Variants in KATNAL2 observed in about 807,000 individuals in gnomAD.
KATNAL2 encodes the protein katanin catalytic subunit A1 like 2.
A neutral mutation model predicts 76.3 loss-of-function variants in KATNAL2; 52 were observed. That is an observed-to-expected ratio of 0.68 (90% CI 0.55 to 0.86). KATNAL2 has a LOEUF of 0.86. Among genes scored for constraint, KATNAL2 ranks in the 40% least tolerant of loss-of-function variants. The pLI is 0.00. For synonymous variants in KATNAL2, 243 were observed against 244.2 expected, an observed-to-expected ratio of 1.00 and a Z score of 0.05; for missense variants, 660 against 668.9, an observed-to-expected ratio of 0.99 and a Z score of 0.15.
Position 47,054,648 on chromosome 18 carries a change from G to A in KATNAL2, c.332+210G>A, listed in dbSNP as rs2061422741. The stretch of plus-strand genomic sequence containing the variant: ...ACTCTCCTGGTTTTACTGTAAATAA[G>A]TATATCCTGTGATGCTCTGTCTTTC... On this transcript the variant is annotated intron_variant, in intron 6 of 17. Transcript: ENST00000683218. 1.0e-5 allele frequency: 6 copies of A among 600,516 alleles called. No homozygotes were observed. In the African/African-American group the frequency reaches 1.1e-4, roughly 11 times the overall value. 37.2% of individuals were successfully genotyped at this position (600,516 alleles called of 1,614,324 possible).
chr18:47,098,298 T>C, intron 15 of KATNAL2: 1 of 305,756 alleles, frequency 3.3e-6, no homozygotes, highest in Non-Finnish European at 6.4e-6. Context: ...AAAAAAAAAT[T>C]AACTGGACTT....
At chr18:46,919,374 T>C (rs1260607465) in intron 1 of KATNAL2, among the ~76,000 whole-genome samples, 2 of 152,098 alleles carry the variant, frequency 1.3e-5, no homozygotes, top group Non-Finnish European at 2.9e-5. Flanking sequence ...TAATCCCAGC[T>C]ACTCCGGAGA....
At chr18:46,922,209 C>T (rs957250913) in intron 1 of KATNAL2, among the ~76,000 whole-genome samples, 4 of 151,186 alleles carry the variant, frequency 2.6e-5, no homozygotes, top group African/African-American at 4.9e-5. Flanking sequence ...AAGCAGTCTT[C>T]GTACCTCAGC....
At chr18:47,068,470 AC>A (rs2061886005) in intron 11 of KATNAL2, among the ~76,000 whole-genome samples, 1 of 152,204 alleles carries the variant, frequency 6.6e-6, no homozygotes, top group South Asian at 2.1e-4. Flanking sequence ...GAACTATAAA[AC>A]TTTTAAAAAG....
At chr18:47,031,320 C>T (rs1024751972) in intron 3 of KATNAL2, among the ~76,000 whole-genome samples, 1 of 152,082 alleles carries the variant, frequency 6.6e-6, no homozygotes, top group Non-Finnish European at 1.5e-5. Flanking sequence ...GAAAACAGAT[C>T]CATTTGAAAT....
intron 3 of KATNAL2, among the ~76,000 whole-genome samples, chr18:46,958,329 A>G (rs2059825737): frequency 6.6e-6 from 1 of 152,104 alleles, no homozygotes; most frequent in Admixed American, 6.6e-5. Context: ...CTATAATCAC[A>G]TGAGCGTTAT....
At chr18:46,925,908 T>C (rs962406207) in intron 1 of KATNAL2, among the ~76,000 whole-genome samples, 1 of 152,214 alleles carries the variant, frequency 6.6e-6, no homozygotes, top group African/African-American at 2.4e-5. Flanking sequence ...GTAGTTTGTA[T>C]TTCTGTGGGA....
chr18:46,926,052 T>G (rs1381373810), intron 1 of KATNAL2, among the ~76,000 whole-genome samples: 1 of 152,180 alleles, frequency 6.6e-6, no homozygotes, highest in Non-Finnish European at 1.5e-5. Context: ...GATTCATTAA[T>G]TTTTTGAAGG....
chr18:47,035,359 C>T, intron 3 of KATNAL2: 9 of 1,584,710 alleles, frequency 5.7e-6, no homozygotes, highest in Non-Finnish European at 7.7e-6. Context: ...GTCCTCGCTG[C>T]CCGGTCGCCA....
At chr18:46,960,331 C>G (rs780977503) in intron 3 of KATNAL2, among the ~76,000 whole-genome samples, 30 of 151,512 alleles carry the variant, frequency 2.0e-4, no homozygotes, top group African/African-American at 6.5e-4. Flanking sequence ...GCCAGCTACT[C>G]GGGAGGCTAA....
intron 1 of KATNAL2, among the ~76,000 whole-genome samples, chr18:46,934,717 C>T (rs1016986284): frequency 6.6e-6 from 1 of 152,128 alleles, no homozygotes; most frequent in Admixed American, 6.6e-5. Flanking sequence ...ACATGAAGTC[C>T]TTGCCCATGC....
chr18:47,067,078 G>A lies in KATNAL2; in HGVS notation c.784G>A (p.Ala262Thr). The change falls in exon 11 of 18, where the codon GCC becomes ACC. Residue 262 changes from alanine (A) to threonine (T), a missense_variant. Physicochemically the swap from Ala to Thr is moderately conservative, Grantham distance 58. Transcript: ENST00000683218. ...KWNDIIGLDA[A>T]KQLVKEAVVY... ...GAATGACATTATTGGACTTGATGCA[G>A]CCAAGCAGTTAGTCAAAGAAGCTGT... 1 of 1,585,500 alleles carries A rather than the reference G, an allele frequency of 6.3e-7. No homozygotes were observed.
intron 1 of KATNAL2, among the ~76,000 whole-genome samples, chr18:46,920,751 T>C (rs1341885227): frequency 6.6e-6 from 1 of 152,218 alleles, no homozygotes; most frequent in Non-Finnish European, 1.5e-5. Flanking sequence ...TGCTCTGGTC[T>C]AGATTTATAT....
chr18:47,100,152 A>G (rs1039436687), intron 16 of KATNAL2, 102 bp from the exon 17 acceptor site: 9 of 750,682 alleles, frequency 1.2e-5, no homozygotes, highest in Admixed American at 2.2e-5. Flanking sequence ...TGACAGATAC[A>G]GAATCTACAC....
chr18:47,035,379 C>A, intron 3 of KATNAL2: 1 of 1,549,030 alleles, frequency 6.5e-7, no homozygotes, highest in South Asian at 1.2e-5. Context: ...AGGCAGCGAC[C>A]TCGGGATGTG....
chr18:47,052,850 TTTC>T (rs751035272), intron 4 of KATNAL2, 27 bp from the exon 5 acceptor site: 3 of 1,536,372 alleles, frequency 2.0e-6, no homozygotes, highest in Non-Finnish European at 2.6e-6. Flanking sequence ...CCTCAGTTAA[TTTC>T]TTCTTTTTAT....
intron 12 of KATNAL2, 67 bp from the exon 13 acceptor site, chr18:47,069,415 G>T: frequency 1.4e-6 from 2 of 1,414,824 alleles, no homozygotes; most frequent in South Asian, 2.4e-5. Flanking sequence ...GTGTGAGACT[G>T]ACTTCTGTCT....
intron 3 of KATNAL2, among the ~76,000 whole-genome samples, chr18:46,950,575 T>A (rs72919221): frequency 0.011 from 1,687 of 152,306 alleles, 18 homozygotes; most frequent in Non-Finnish European, 0.017. Context: ...TCAACAAAAT[T>A]TGAAAAAAAA....
At chr18:46,922,711 C>T (rs984829593) in intron 1 of KATNAL2, among the ~76,000 whole-genome samples, 2 of 151,696 alleles carry the variant, frequency 1.3e-5, no homozygotes, top group African/African-American at 2.4e-5. Flanking sequence ...GCAGGAGAAT[C>T]GCTTGAACCC....
Sources: allele counts gnomAD v4.1 joint callset (sites outside exome capture counted in the v4.1 genomes callset), GRCh38; gene constraint gnomAD v4.1.1; transcripts MANE v1.5; gene names NCBI Gene and HGNC (gene_info 2026-07-23, HGNC 2026-07-21).